ARHGAP15: variants seen among roughly 807,000 people sequenced by gnomAD.
ARHGAP15 encodes Rho GTPase activating protein 15.
ARHGAP15 carries 51 observed loss-of-function variants against 63.7 expected under a neutral mutation model. The ratio of observed to expected loss-of-function variants is 0.80; its 90% CI spans 0.64 to 1.01. The LOEUF is 1.01. Ranked by LOEUF, ARHGAP15 falls within the 50% of genes least tolerant of loss-of-function variation. The pLI is 0.00. For synonymous variants in ARHGAP15, 191 were observed against 193.8 expected, an observed-to-expected ratio of 0.99 and a Z score of 0.12; for missense variants, 560 against 564.6, an observed-to-expected ratio of 0.99 and a Z score of 0.08.
chr2:143,360,382 C>T (rs7584355), intron 6 of ARHGAP15, among the ~76,000 whole-genome samples: 102,606 of 151,786 alleles, frequency 0.68, 34,933 homozygotes, highest in African/African-American at 0.72. Flanking sequence ...AAGACCTCAT[C>T]TCAAAAATAA....
chr2:143,746,303 C>T (rs1382464275), intron 13 of ARHGAP15, among the ~76,000 whole-genome samples: 1 of 146,880 alleles, frequency 6.8e-6, no homozygotes, highest in South Asian at 2.2e-4. Context: ...CAAAAAAAAA[C>T]CCTCTAAATG....
intron 8 of ARHGAP15, among the ~76,000 whole-genome samples, chr2:143,437,764 G>C (rs565458821): frequency 6.6e-6 from 1 of 152,092 alleles, no homozygotes; most frequent in Non-Finnish European, 1.5e-5. Context: ...GGTAGCTCAC[G>C]CCTGTAATCC....
chr2:143,667,582 T>TAAAAAAAAAA (rs71338146), intron 12 of ARHGAP15, among the ~76,000 whole-genome samples: 73 of 138,876 alleles, frequency 5.3e-4, no homozygotes, highest in African/African-American at 1.3e-3. Flanking sequence ...TAAAAAAAAT[T>TAAAAAAAAAA]AAAAAAAAAA....
At chr2:143,373,844 G>A (rs1352822514) in intron 6 of ARHGAP15, among the ~76,000 whole-genome samples, 2 of 152,050 alleles carry the variant, frequency 1.3e-5, no homozygotes, top group African/African-American at 4.8e-5. Flanking sequence ...CATACTTAGT[G>A]TAATATTAAT....
chr2:143,419,720 A>C (rs1447921616), intron 6 of ARHGAP15, among the ~76,000 whole-genome samples: 3 of 152,070 alleles, frequency 2.0e-5, no homozygotes, highest in African/African-American at 7.2e-5. Context: ...AAAATACATT[A>C]AATACTAAGA....
chr2:143,592,243 A>G (rs1377562983), intron 11 of ARHGAP15, among the ~76,000 whole-genome samples: 1 of 152,184 alleles, frequency 6.6e-6, no homozygotes, highest in Non-Finnish European at 1.5e-5. Flanking sequence ...GTTTAACTTC[A>G]TAACTCAGCA....
intron 6 of ARHGAP15, among the ~76,000 whole-genome samples, chr2:143,396,657 T>C (rs145526090): frequency 6.6e-6 from 1 of 151,970 alleles, no homozygotes; most frequent in East Asian, 1.9e-4. Flanking sequence ...TCCAGCTTCC[T>C]GAATGGTTTC....
intron 13 of ARHGAP15, among the ~76,000 whole-genome samples, chr2:143,747,865 A>T (rs1686228661): frequency 6.6e-6 from 1 of 152,180 alleles, no homozygotes; most frequent in Non-Finnish European, 1.5e-5. Context: ...CATATTTCTC[A>T]GGTAGAAAAT....
In ARHGAP15 at chr2:143,359,292, C is replaced by T. The variant is rs74780361; in HGVS notation, c.475-76309C>T. ...AGGGAATTTCTTATAACCTTCCTTA[C>T]TCCATCTTGCAACATCTACATTTCT... On this transcript the variant is annotated intron_variant, in intron 6 of 13. Transcript: ENST00000295095. Among the ~76,000 whole-genome samples, 88 of 152,276 alleles carry T rather than the reference C, an allele frequency of 5.8e-4. 1 individual carries two copies. The highest frequency in any genetic ancestry group is 5.0e-3 in the Admixed American group (77 of 15,298).
intron 13 of ARHGAP15, among the ~76,000 whole-genome samples, chr2:143,732,887 T>C (rs1574906237): frequency 6.7e-6 from 1 of 150,168 alleles, no homozygotes; most frequent in Non-Finnish European, 1.5e-5. Context: ...AAGGAAACCC[T>C]CCTTCCCCAT....
intron 1 of ARHGAP15, among the ~76,000 whole-genome samples, chr2:143,138,339 G>A (rs1689228112): frequency 6.6e-6 from 1 of 152,064 alleles, no homozygotes; most frequent in South Asian, 2.1e-4. Flanking sequence ...GTTGTACATA[G>A]ATCTGGGTAA....
At chr2:143,506,613 A>C (rs1182831209) in intron 9 of ARHGAP15, among the ~76,000 whole-genome samples, 1 of 152,204 alleles carries the variant, frequency 6.6e-6, no homozygotes, top group Non-Finnish European at 1.5e-5. Context: ...TGTAATTCTA[A>C]TGAGATGATG....
chr2:143,678,846 A>G (rs1009682331), intron 12 of ARHGAP15, among the ~76,000 whole-genome samples: 1 of 152,212 alleles, frequency 6.6e-6, no homozygotes, highest in African/African-American at 2.4e-5. Flanking sequence ...TATTTTTCCT[A>G]AAAGCAAATG....
chr2:143,537,810 C>T (rs1694850366), intron 10 of ARHGAP15, among the ~76,000 whole-genome samples: 2 of 152,254 alleles, frequency 1.3e-5, no homozygotes, highest in South Asian at 2.1e-4. Context: ...AGTCAGGTAG[C>T]ATGATGTCTC....
intron 6 of ARHGAP15, among the ~76,000 whole-genome samples, chr2:143,341,643 T>A (rs1164911386): frequency 6.6e-6 from 1 of 152,130 alleles, no homozygotes; most frequent in Non-Finnish European, 1.5e-5. Context: ...AACCATTTTT[T>A]TCCCCTACTC....
rs752925824 is a variant in ARHGAP15 at position 143,200,375 on chromosome 2, A to ATT, written c.166-1746_166-1745dup. Among the ~76,000 whole-genome samples, 534 of 142,472 alleles carry ATT rather than the reference A, an allele frequency of 3.7e-3. 4 individuals are homozygous for ATT. Among genetic ancestry groups the ATT allele is most frequent in the African/African-American group, 0.012 (488 of 39,130 alleles). 93.5% of individuals were successfully genotyped at this position (142,472 alleles called of 152,430 possible). On this transcript the variant is annotated intron_variant, in intron 2 of 13. Transcript: ENST00000295095. ...TGGAATTTTTTAGGCCAGGATTCTG[A>ATT]TTTTTTTTTTTTTTGGTAGAACAAT...
chr2:143,659,253 C>A (rs1681617097), intron 12 of ARHGAP15, among the ~76,000 whole-genome samples: 1 of 152,108 alleles, frequency 6.6e-6, no homozygotes, highest in Non-Finnish European at 1.5e-5. Context: ...AAAGGGATAA[C>A]AATAACTAAA....
chr2:143,353,587 C>T (rs901684481), intron 6 of ARHGAP15, among the ~76,000 whole-genome samples: 10 of 151,876 alleles, frequency 6.6e-5, no homozygotes, highest in South Asian at 2.1e-4. Flanking sequence ...AACCTGTGTC[C>T]GAATTACATG....
chr2:143,172,799 T>C (rs1288724134), intron 2 of ARHGAP15, among the ~76,000 whole-genome samples: 2 of 152,116 alleles, frequency 1.3e-5, no homozygotes, highest in Non-Finnish European at 2.9e-5. Context: ...GAAAGTGTCA[T>C]AGGGACAATC....
Sources: allele counts gnomAD v4.1 joint callset (sites outside exome capture counted in the v4.1 genomes callset), GRCh38; gene constraint gnomAD v4.1.1; transcripts MANE v1.5; gene names NCBI Gene and HGNC (gene_info 2026-07-23, HGNC 2026-07-21).